Variants in FRMD4A observed in about 807,000 individuals in gnomAD.
FRMD4A encodes FERM domain containing 4A.
In FRMD4A, 29 loss-of-function variants were observed where a neutral mutation model predicts 129.1. That is an observed-to-expected ratio of 0.22 (90% confidence interval 0.17 to 0.31). The LOEUF (loss-of-function observed/expected upper bound fraction) is 0.31. FRMD4A is among the 10% of genes least tolerant of loss of function. The probability of loss-of-function intolerance (pLI) is 1.00; values close to 1 mark genes in which losing one functional copy is unlikely to be tolerated. For synonymous variants in FRMD4A, 634 were observed against 571.6 expected, an observed-to-expected ratio of 1.11 and a Z score of -1.56; for missense variants, 1,272 against 1,375.8, an observed-to-expected ratio of 0.92 and a Z score of 1.19.
At chr10:13,958,655 G>A (rs1370260600) in intron 2 of FRMD4A, among the ~76,000 whole-genome samples, 21 of 149,596 alleles carry the variant, frequency 1.4e-4, no homozygotes, top group Non-Finnish European at 7.4e-5. Context: ...GCATGATCTC[G>A]GCTCACGGCA....
intron 2 of FRMD4A, among the ~76,000 whole-genome samples, chr10:14,224,406 T>G (rs1042106428): frequency 6.6e-6 from 1 of 152,206 alleles, no homozygotes; most frequent in African/African-American, 2.4e-5. Flanking sequence ...GAGGGCCCTG[T>G]GAGAGCATAG....
chr10:13,784,290 A>C (rs1193921187), intron 5 of FRMD4A, among the ~76,000 whole-genome samples: 1 of 152,204 alleles, frequency 6.6e-6, no homozygotes, highest in East Asian at 1.9e-4. Flanking sequence ...CAGTCACATC[A>C]TCCTGCTGGG....
chr10:13,770,672 G>T (rs1050770230), intron 6 of FRMD4A, among the ~76,000 whole-genome samples: 1 of 152,088 alleles, frequency 6.6e-6, no homozygotes, highest in African/African-American at 2.4e-5. Flanking sequence ...TTGAACTCCT[G>T]GGCTCAAGTA....
chr10:13,899,574 G>A (rs2094796595), intron 2 of FRMD4A, among the ~76,000 whole-genome samples: 1 of 152,074 alleles, frequency 6.6e-6, no homozygotes, highest in Non-Finnish European at 1.5e-5. Flanking sequence ...GAGGTGGGAC[G>A]ATAGCTTCAG....
intron 12 of FRMD4A, among the ~76,000 whole-genome samples, chr10:13,720,326 G>C (rs1045598275): frequency 1.6e-4 from 24 of 152,232 alleles, no homozygotes; most frequent in Non-Finnish European, 4.4e-5. Flanking sequence ...TGGGATTACA[G>C]GCATGAGCTA....
chr10:14,095,058 G>A (rs959788058), intron 2 of FRMD4A, among the ~76,000 whole-genome samples: 1 of 152,158 alleles, frequency 6.6e-6, no homozygotes, highest in African/African-American at 2.4e-5. Flanking sequence ...GAACATGAAG[G>A]AACTGAAGAT....
intron 2 of FRMD4A, among the ~76,000 whole-genome samples, chr10:14,038,009 C>G (rs1309076318): frequency 1.3e-5 from 2 of 152,158 alleles, no homozygotes; most frequent in African/African-American, 2.4e-5. Context: ...GAACCATCTA[C>G]TCACTGAAGT....
intron 2 of FRMD4A, among the ~76,000 whole-genome samples, chr10:14,174,758 C>T (rs751010693): frequency 6.6e-6 from 1 of 152,048 alleles, no homozygotes; most frequent in Non-Finnish European, 1.5e-5. Flanking sequence ...GGTTCTTCTG[C>T]AGTTTGGCCA....
chr10:14,068,186 T>C (rs955074902), intron 2 of FRMD4A, among the ~76,000 whole-genome samples: 2 of 152,172 alleles, frequency 1.3e-5, no homozygotes, highest in Admixed American at 6.5e-5. Context: ...GTCAATCTTT[T>C]CCAGGCTCAG....
At chr10:14,223,270 A>G (rs1012717916) in intron 2 of FRMD4A, among the ~76,000 whole-genome samples, 1 of 152,170 alleles carries the variant, frequency 6.6e-6, no homozygotes, top group Admixed American at 6.5e-5. Context: ...CTCCATTGGG[A>G]CCAGGAATGC....
At chr10:13,888,734 G>GACATATGAATTGAAGTTACTCCTGAC (rs2094656479) in intron 2 of FRMD4A, among the ~76,000 whole-genome samples, 1 of 152,132 alleles carries the variant, frequency 6.6e-6, no homozygotes, top group African/African-American at 2.4e-5. Context: ...CCAAAAATAA[G>GACATATGAATTGAAGTTACTCCTGAC]ACATATGAAT....
chr10:13,779,621 C>T (rs2092687305), intron 6 of FRMD4A, among the ~76,000 whole-genome samples: 1 of 152,158 alleles, frequency 6.6e-6, no homozygotes, highest in South Asian at 2.1e-4. Context: ...TTCTGTGGCC[C>T]TACATTAGTC....
intron 2 of FRMD4A, among the ~76,000 whole-genome samples, chr10:14,183,345 A>G (rs1215204096): frequency 6.6e-6 from 1 of 152,238 alleles, no homozygotes; most frequent in African/African-American, 2.4e-5. Context: ...ATGTTATAAA[A>G]GCTCATTCTT....
chr10:14,117,703 A>C (rs915556754), intron 2 of FRMD4A, among the ~76,000 whole-genome samples: 1 of 152,176 alleles, frequency 6.6e-6, no homozygotes, highest in Non-Finnish European at 1.5e-5. Context: ...GTAGAGTTTG[A>C]AGAGCTGGCT....
intron 3 of FRMD4A, among the ~76,000 whole-genome samples, chr10:13,858,306 A>G (rs1043278709): frequency 2.4e-4 from 36 of 152,260 alleles, no homozygotes; most frequent in African/African-American, 8.2e-4. Context: ...ATGGTGGCAC[A>G]TGCCTGTAAT....
At chr10:14,218,879 C>T (rs899239010) in intron 2 of FRMD4A, among the ~76,000 whole-genome samples, 2 of 140,062 alleles carry the variant, frequency 1.4e-5, no homozygotes, top group South Asian at 4.7e-4. Flanking sequence ...CACTTGAACC[C>T]AGGAGCCAGA....
chr10:14,026,090 A>C (rs1832974034), intron 2 of FRMD4A, among the ~76,000 whole-genome samples: 1 of 152,294 alleles, frequency 6.6e-6, no homozygotes, highest in African/African-American at 2.4e-5. Context: ...CCTGATTCCA[A>C]ACAGAGTGTG....
At chr10:13,875,851 A>G (rs2131101652) in intron 2 of FRMD4A, among the ~76,000 whole-genome samples, 1 of 152,314 alleles carries the variant, frequency 6.6e-6, no homozygotes, top group East Asian at 1.9e-4. Flanking sequence ...TATTGATTAT[A>G]TAGAGAGAAC....
intron 3 of FRMD4A, among the ~76,000 whole-genome samples, chr10:13,813,900 C>G (rs921187349): frequency 6.6e-6 from 1 of 152,252 alleles, no homozygotes; most frequent in Non-Finnish European, 1.5e-5. Context: ...AGGTTAGGGA[C>G]AGTCTGTGAT....
Sources: allele counts gnomAD v4.1 joint callset (sites outside exome capture counted in the v4.1 genomes callset), GRCh38; gene constraint gnomAD v4.1.1; transcripts MANE v1.5; gene names NCBI Gene and HGNC (gene_info 2026-07-23, HGNC 2026-07-21).